The following SBNO1 variants were observed in gnomAD, a reference collection of about 807,000 sequenced individuals.
The protein encoded by SBNO1 is protein strawberry notch homolog 1.
A neutral mutation model predicts 173.6 loss-of-function variants in SBNO1; 23 were observed. The ratio of observed to expected loss-of-function variants is 0.13; its 90% CI spans 0.10 to 0.19. The LOEUF (loss-of-function observed/expected upper bound fraction) is 0.19. Ranked by LOEUF, SBNO1 falls within the 10% of genes least tolerant of loss-of-function variation. The pLI, the probability that SBNO1 is intolerant of heterozygous loss-of-function variation, is 1.00. For missense variants in SBNO1, 1,238 were observed against 1,671.2 expected (o/e 0.74, Z 4.52); for synonymous variants, 632 against 571.5 (o/e 1.11, Z -1.51).
chr12:123,321,218 C>A (rs1309650298), intron 17 of SBNO1, among the ~76,000 whole-genome samples: 1 of 152,178 alleles, frequency 6.6e-6, no homozygotes, highest in African/African-American at 2.4e-5. Context: ...GGATTACAGG[C>A]ATGAGCCACC....
chr12:123,359,830 A>G (rs1332630017), intron 1 of SBNO1, among the ~76,000 whole-genome samples: 1 of 152,216 alleles, frequency 6.6e-6, no homozygotes, highest in Non-Finnish European at 1.5e-5. Context: ...AGTTCAAGCC[A>G]CAACAAATTG....
At chr12:123,341,680 C>T (rs1872586950) in intron 4 of SBNO1, among the ~76,000 whole-genome samples, 1 of 151,744 alleles carries the variant, frequency 6.6e-6, no homozygotes, top group African/African-American at 2.4e-5. Flanking sequence ...CGCCACCATG[C>T]CTGCCTAATT....
intron 2 of SBNO1, among the ~76,000 whole-genome samples, chr12:123,349,604 A>G (rs1419861811): frequency 2.0e-5 from 3 of 152,214 alleles, no homozygotes; most frequent in African/African-American, 7.2e-5. Flanking sequence ...CTCATAAATC[A>G]AAATGAATAC....
chr12:123,330,048 C>T lies in SBNO1; in HGVS notation c.1134+371G>A, dbSNP rs535769868. 2.6e-5 allele frequency among the ~76,000 whole-genome samples: 4 copies of T among 152,254 alleles called. No individual in the cohort carries two copies. In the East Asian group the frequency reaches 7.7e-4, roughly 29 times the overall value. ...TCTACATCGCATATGATTTGGTGAC[C>T]TATAGTGCAAGGTATGCCACCTGTC... On this transcript the variant is annotated intron_variant, in intron 9 of 31. Coordinates refer to ENST00000602398, the MANE Select transcript of SBNO1 (RefSeq NM_001167856.3).
At chr12:123,346,971 G>A (rs966899620) in intron 3 of SBNO1, among the ~76,000 whole-genome samples, 3 of 150,616 alleles carry the variant, frequency 2.0e-5, no homozygotes, top group African/African-American at 7.3e-5. Flanking sequence ...CCAGCTGCTT[G>A]GAAGGTTAAG....
At chr12:123,321,776 T>A (rs780343870) in intron 16 of SBNO1, 44 bp from the exon 17 acceptor site, 24 of 1,482,042 alleles carry the variant, frequency 1.6e-5, no homozygotes, top group Non-Finnish European at 2.2e-5. Flanking sequence ...AATTCAATGT[T>A]TCTTAAGATC....
intron 7 of SBNO1, among the ~76,000 whole-genome samples, chr12:123,332,013 A>G (rs577255559): frequency 2.0e-5 from 3 of 150,360 alleles, no homozygotes; most frequent in Admixed American, 2.0e-4. Flanking sequence ...CACCACGCCC[A>G]GCTAATTTTT....
chr12:123,315,251 T>C, intron 23 of SBNO1, 122 bp downstream of exon 23: 1 of 702,988 alleles, frequency 1.4e-6, no homozygotes, highest in Non-Finnish European at 2.4e-6. Flanking sequence ...GAAGCCATGA[T>C]TTTAAAGCAA....
chr12:123,349,729 A>T (rs553040051), intron 2 of SBNO1, among the ~76,000 whole-genome samples: 1 of 152,224 alleles, frequency 6.6e-6, no homozygotes, highest in East Asian at 1.9e-4. Context: ...AGCCTGAACA[A>T]CATGGTGAAA....
chr12:123,351,865 G>A (rs894692124), intron 1 of SBNO1, among the ~76,000 whole-genome samples: 2 of 152,090 alleles, frequency 1.3e-5, no homozygotes, highest in African/African-American at 2.4e-5. Flanking sequence ...TATGAAGCAC[G>A]TCAGAGAAAA....
At chr12:123,302,294 G>A (rs935161820) in intron 30 of SBNO1, among the ~76,000 whole-genome samples, 4 of 149,182 alleles carry the variant, frequency 2.7e-5, no homozygotes, top group Admixed American at 1.4e-4. Context: ...CCAGGCTGGA[G>A]TGCAATGGCG....
At chr12:123,304,438 G>A in intron 29 of SBNO1, 144 bp downstream of exon 29, 1 of 587,656 alleles carries the variant, frequency 1.7e-6, no homozygotes, top group Non-Finnish European at 3.1e-6. Context: ...GTTTCTCCAT[G>A]TTGGTCAGGC....
Position 123,320,711 on chromosome 12 carries a change from T to C in SBNO1, c.2479A>G (p.Asn827Asp). Residue 827 changes from asparagine (N) to aspartate (D), a missense_variant, in exon 18 of 32, where the codon AAC becomes GAC. Physicochemically the swap from Asn to Asp is conservative, Grantham distance 23. Coordinates refer to ENST00000602398, the MANE Select transcript of SBNO1 (RefSeq NM_001167856.3). ...SSTPVISPAP[N>D]STPANSNTNS... is the part of the protein sequence containing the mutation. ...TCTGTATGGATACCTGGTGTACTGT[T>C]AGGAGCAGGTGAGATAACTGGTGTA... 1 of 1,607,610 alleles carries C rather than the reference T, an allele frequency of 6.2e-7. No homozygotes were observed. Among genetic ancestry groups the C allele is most frequent in the Non-Finnish European group, 8.5e-7 (1 of 1,178,350 alleles).
chr12:123,302,433 G>A (rs2048821078), intron 30 of SBNO1, among the ~76,000 whole-genome samples: 3 of 150,198 alleles, frequency 2.0e-5, no homozygotes, highest in African/African-American at 7.4e-5. Flanking sequence ...TAGTAGAGAT[G>A]GGGTTTCACC....
chr12:123,306,436 T>G (rs2048915592), intron 28 of SBNO1, among the ~76,000 whole-genome samples: 1 of 152,226 alleles, frequency 6.6e-6, no homozygotes, highest in Middle Eastern at 3.2e-3. Flanking sequence ...CCCAGCCACC[T>G]GTTGCCACAC....
intron 1 of SBNO1, among the ~76,000 whole-genome samples, chr12:123,360,316 T>C (rs1007671536): frequency 5.3e-5 from 8 of 152,054 alleles, no homozygotes; most frequent in African/African-American, 2.4e-5. Context: ...CAGAGCCTCA[T>C]GGAATGTGAG....
intron 20 of SBNO1, among the ~76,000 whole-genome samples, chr12:123,318,662 G>A (rs1019810290): frequency 6.6e-6 from 1 of 151,120 alleles, no homozygotes; most frequent in Non-Finnish European, 1.5e-5. Context: ...GGACCCAGGA[G>A]GTGAAGGTAG....
Position 123,350,191 on chromosome 12 carries a change from C to T in SBNO1, c.132+119G>A, listed in dbSNP as rs532803343. On this transcript the variant is annotated intron_variant, in intron 2 of 31. Transcript: ENST00000602398. Reference sequence around the variant, plus strand: ...ATGGTTTGAGCCTGGGAGGTTGAGGCTTCAGTAAGCCATGACTGCACCACT... The same window carrying T: ...ATGGTTTGAGCCTGGGAGGTTGAGGTTTCAGTAAGCCATGACTGCACCACT... 6 of 1,160,820 alleles carry T rather than the reference C, an allele frequency of 5.2e-6. 1 individual carries two copies. In the East Asian group the frequency reaches 9.5e-5, roughly 18 times the overall value. The allele number at this position is 1,160,820 out of a possible 1,614,324, so 71.9% of individuals were successfully genotyped here.
At chr12:123,309,616 AAAG>A (rs1262650641) in intron 26 of SBNO1, 33 bp from the exon 27 acceptor site, 5 of 1,605,288 alleles carry the variant, frequency 3.1e-6, no homozygotes, top group South Asian at 1.1e-5. Flanking sequence ...GTAAATGTAA[AAAG>A]AACATTTTTA....
Sources: gnomAD v4.1 joint callset for allele counts (sites outside exome capture counted in the v4.1 genomes callset) on GRCh38, gnomAD v4.1.1 for gene constraint, MANE v1.5 for transcripts, NCBI Gene and HGNC (gene_info 2026-07-23, HGNC 2026-07-21) for gene names.